Variants in PALS1 observed in about 807,000 individuals in gnomAD.
PALS1 encodes the protein protein PALS1.
In PALS1, 31 loss-of-function variants were observed where a neutral mutation model predicts 78.9. That is an observed-to-expected ratio of 0.39 (90% CI 0.30 to 0.53). PALS1 has a LOEUF of 0.53. Ranked by LOEUF, PALS1 falls within the 20% of genes least tolerant of loss-of-function variation. The pLI is 0.67. For synonymous variants in PALS1, 276 were observed against 270.9 expected (o/e 1.02, Z -0.18); for missense variants, 704 against 826.5 (o/e 0.85, Z 1.82).
intron 9 of PALS1, among the ~76,000 whole-genome samples, chr14:67,314,432 C>G (rs1185299807): frequency 6.6e-6 from 1 of 152,180 alleles, no homozygotes; most frequent in Non-Finnish European, 1.5e-5. Flanking sequence ...AGGCTAGAAA[C>G]AGATTTTGTC....
At chr14:67,296,482 G>A (rs142306410) in intron 4 of PALS1, among the ~76,000 whole-genome samples, 3 of 150,498 alleles carry the variant, frequency 2.0e-5, no homozygotes, top group African/African-American at 4.9e-5. Flanking sequence ...TCAGGAGGCT[G>A]AGGCAGGAGA....
In PALS1 at chr14:67,261,971, A is replaced by C. The variant is rs533578079; in HGVS notation, c.-236-7730A>C. Among the ~76,000 whole-genome samples, 9 of 152,298 alleles carry C rather than the reference A, an allele frequency of 5.9e-5. No individual in the cohort carries two copies. The South Asian group carries it at 1.9e-3, about 32-fold the overall frequency. On this transcript the variant is annotated intron_variant, in intron 1 of 14. Transcript: ENST00000261681. The stretch of plus-strand genomic sequence containing the variant: ...AAAAGGATGGGATTTTGAAGGAAGC[A>C]TGTAGTCAGCATGGTATCTTACAGA...
intron 1 of PALS1, among the ~76,000 whole-genome samples, chr14:67,256,184 GAT>G (rs1298255090): frequency 1.3e-5 from 2 of 152,138 alleles, no homozygotes; most frequent in Admixed American, 1.3e-4. Flanking sequence ...ATTTTTCAGA[GAT>G]ATTAGTTGAA....
Position 67,332,092 on chromosome 14 carries a change from T to C in PALS1, c.1852-688T>C, listed in dbSNP as rs574256590. On this transcript the variant is annotated intron_variant, in intron 14 of 14. Transcript: ENST00000261681. ...ATGTGTGACTTTTATATCTGAGACA[T>C]TTTGTCTTGAGTTTAAGTTAGTTGT... 5.3e-5 allele frequency among the ~76,000 whole-genome samples: 8 copies of C among 152,322 alleles called. No homozygotes were observed. In the South Asian group the frequency reaches 1.7e-3, roughly 32 times the overall value.
intron 2 of PALS1, 114 bp downstream of exon 2, chr14:67,269,897 A>G (rs1405122255): frequency 6.6e-6 from 1 of 152,378 alleles, no homozygotes; most frequent in Non-Finnish European, 1.5e-5. Context: ...ATCACTTAAA[A>G]TGAGACTTCC....
At chr14:67,254,025 T>TC (rs150024838) in intron 1 of PALS1, among the ~76,000 whole-genome samples, 12,752 of 122,602 alleles carry the variant, frequency 0.1, 1,218 homozygotes, top group East Asian at 0.31. Context: ...CTTATATTCA[T>TC]CCCCCCCCCC....
intron 1 of PALS1, among the ~76,000 whole-genome samples, chr14:67,253,953 ATTTTG>A (rs1382663694): frequency 5.0e-5 from 7 of 138,666 alleles, no homozygotes; most frequent in Admixed American, 4.4e-4. Flanking sequence ...TTGTGTTAAT[ATTTTG>A]TTTTGTTTTT....
chr14:67,333,103 AGAC>A lies in PALS1; in HGVS notation c.*151_*153del. 2 of 651,510 alleles carry A rather than the reference AGAC, an allele frequency of 3.1e-6. No individual in the cohort carries two copies. The highest frequency in any genetic ancestry group is 5.0e-6 in the Non-Finnish European group (2 of 397,468). The allele number at this position is 651,510 out of a possible 1,614,324, so 40.4% of individuals were successfully genotyped here. On this transcript the variant is annotated 3_prime_UTR_variant, in exon 15 of 15. Coordinates refer to ENST00000261681, the MANE Select transcript of PALS1 (RefSeq NM_022474.4). The stretch of plus-strand genomic sequence containing the variant: ...TGTTCTTAGATCTCTTGAATTAGTG[AGAC>A]GACAGTTCCCTTAGGCAGTTTGTGC...
chr14:67,301,973 C>T lies in PALS1; in HGVS notation c.656C>T (p.Ala219Val). The change falls in exon 6 of 15, where the codon GCA becomes GTA. Residue 219 changes from alanine (A) to valine (V), a missense_variant and splice_region_variant. By Grantham distance (64) the Ala-to-Val change is moderately conservative. Transcript: ENST00000261681. ...TALLNTPHIQ[A>V]LLLAHDKVAE... ...ATGCCATGGATTTCTTTGAAACAGG[C>T]ACTTTTACTGGCCCACGATAAGGTT... The T allele has an allele frequency of 1.3e-6, 2 of 1,579,862 alleles. No individual in the cohort carries two copies. The highest frequency in any genetic ancestry group is 2.3e-5 in the East Asian group (1 of 43,704).
intron 1 of PALS1, among the ~76,000 whole-genome samples, chr14:67,257,847 C>T (rs973281274): frequency 2.0e-5 from 3 of 152,088 alleles, no homozygotes; most frequent in Admixed American, 2.0e-4. Context: ...AAAATACACA[C>T]ATAATTTTGT....
intron 4 of PALS1, among the ~76,000 whole-genome samples, chr14:67,296,585 C>CAAAAAAAAAAAAAAA (rs374329692): frequency 2.0e-5 from 1 of 51,000 alleles, no homozygotes; most frequent in African/African-American, 4.6e-5. Context: ...AACTCTGTCT[C>CAAAAAAAAAAAAAAA]AAAAAAAAAA....
chr14:67,288,977 T>G (rs2140786745), intron 3 of PALS1, among the ~76,000 whole-genome samples: 1 of 148,692 alleles, frequency 6.7e-6, no homozygotes, highest in East Asian at 1.9e-4. Context: ...TTTTTTTTTT[T>G]TTTTTTTGAG....
chr14:67,311,737 T>C (rs2085093112), intron 8 of PALS1, among the ~76,000 whole-genome samples: 1 of 152,244 alleles, frequency 6.6e-6, no homozygotes, highest in African/African-American at 2.4e-5. Context: ...CACAATTCTT[T>C]GATTTATTCT....
intron 3 of PALS1, among the ~76,000 whole-genome samples, chr14:67,284,950 T>C (rs1225361835): frequency 6.6e-6 from 1 of 152,194 alleles, no homozygotes; most frequent in Admixed American, 6.5e-5. Context: ...GGGATCTCAC[T>C]GTGTTGCCCA....
At position 67,335,610 on chromosome 14, in the gene PALS1, G is replaced by A. The variant is rs778384933; in HGVS notation, c.*2654G>A. ...CTTTTCTCATGGCCTAAGAAATAAG[G>A]ATCAATAAGGAATGATTTGAATGTA... On this transcript the variant is annotated 3_prime_UTR_variant, in exon 15 of 15. Coordinates refer to ENST00000261681, the MANE Select transcript of PALS1 (RefSeq NM_022474.4). 6.6e-6 allele frequency: 1 copy of A among 152,588 alleles called. No individual in the cohort carries two copies. Among genetic ancestry groups the A allele is most frequent in the Non-Finnish European group, 1.5e-5 (1 of 68,036 alleles). 9.5% of individuals were successfully genotyped at this position (152,588 alleles called of 1,614,324 possible). A position where few individuals can be genotyped will look rare whatever the true frequency, so the allele number is the denominator to read the frequency against.
intron 4 of PALS1, among the ~76,000 whole-genome samples, chr14:67,297,925 G>C (rs1327322980): frequency 6.6e-6 from 1 of 152,186 alleles, no homozygotes; most frequent in Non-Finnish European, 1.5e-5. Flanking sequence ...TCAGTCTTAT[G>C]AGTACATATT....
intron 2 of PALS1, among the ~76,000 whole-genome samples, chr14:67,278,269 C>T (rs142130551): frequency 1.5e-4 from 23 of 151,946 alleles, no homozygotes; most frequent in Admixed American, 4.6e-4. Flanking sequence ...CTCCCGACCT[C>T]AGGTGATCTG....
chr14:67,316,088 A>C (rs1053212634), intron 9 of PALS1, among the ~76,000 whole-genome samples: 1 of 152,246 alleles, frequency 6.6e-6, no homozygotes, highest in Non-Finnish European at 1.5e-5. Flanking sequence ...ACTGAAAAAA[A>C]GTAGATTTAA....
chr14:67,267,119 T>C lies in PALS1; in HGVS notation c.-236-2582T>C, dbSNP rs552772918. Among the ~76,000 whole-genome samples, 6 of 151,966 alleles carry C rather than the reference T, an allele frequency of 3.9e-5. No homozygotes were observed. The South Asian group carries it at 6.3e-4, about 16-fold the overall frequency. On this transcript the variant is annotated intron_variant, in intron 1 of 14. Coordinates refer to ENST00000261681, the MANE Select transcript of PALS1 (RefSeq NM_022474.4). The stretch of plus-strand genomic sequence containing the variant: ...CAAGACCCTGTCTCAAACAAACAAA[T>C]AAATAAATAAATATAAATTTGGTTT...
Sources: gnomAD v4.1 joint callset for allele counts (sites outside exome capture counted in the v4.1 genomes callset) on GRCh38, gnomAD v4.1.1 for gene constraint, MANE v1.5 for transcripts, NCBI Gene and HGNC (gene_info 2026-07-23, HGNC 2026-07-21) for gene names.